GREB1: variants seen among roughly 807,000 people sequenced by gnomAD.
The protein encoded by GREB1 is growth regulating estrogen receptor binding 1, also known as protein GREB1.
Under a neutral mutation model 200.7 loss-of-function variants are expected in GREB1, and 106 were observed. That is an observed-to-expected ratio of 0.53 (90% CI 0.45 to 0.62). The LOEUF (loss-of-function observed/expected upper bound fraction) is 0.62. Among genes scored for constraint, GREB1 ranks in the 20% least tolerant of loss-of-function variants. The pLI is 0.00. For synonymous variants in GREB1, 1,132 were observed against 1,092.4 expected (o/e 1.04, Z -0.72); for missense variants, 2,243 against 2,556.8 (o/e 0.88, Z 2.65).
chr2:11,516,245 A>G (rs1421679756), intron 1 of GREB1, among the ~76,000 whole-genome samples: 1 of 151,918 alleles, frequency 6.6e-6, no homozygotes, highest in Non-Finnish European at 1.5e-5. Context: ...GCCATCTACC[A>G]AGACTTGGGT....
At chr2:11,593,250 G>T in intron 11 of GREB1, 124 bp downstream of exon 11, 1 of 639,698 alleles carries the variant, frequency 1.6e-6, no homozygotes, top group Non-Finnish European at 2.6e-6. Flanking sequence ...TAGCACCTGC[G>T]GTTTGTGCTC....
chr2:11,624,545 G>T (rs370334053), intron 23 of GREB1, among the ~76,000 whole-genome samples: 1 of 151,422 alleles, frequency 6.6e-6, no homozygotes, highest in Non-Finnish European at 1.5e-5. Context: ...GGGTTTTACC[G>T]TGTTGGCCAG....
chr2:11,507,195 G>A (rs1449313255), intron 1 of GREB1, among the ~76,000 whole-genome samples: 1 of 152,184 alleles, frequency 6.6e-6, no homozygotes, highest in Non-Finnish European at 1.5e-5. Flanking sequence ...GATCACCTGA[G>A]GTCAGGAGTT....
intron 1 of GREB1, among the ~76,000 whole-genome samples, chr2:11,517,180 CTGCTGCCCCCGGCCTCCCTGCCCTT>C (rs547121565): frequency 6.6e-6 from 1 of 152,312 alleles, no homozygotes; most frequent in African/African-American, 2.4e-5. Context: ...GCCCTCTTCC[CTGCTGCCCCCGGCCTCCCTGCCCTT>C]TGCCTTCCAG....
intron 1 of GREB1, among the ~76,000 whole-genome samples, chr2:11,528,125 C>T (rs2148485029): frequency 6.6e-6 from 1 of 152,362 alleles, no homozygotes; most frequent in East Asian, 1.9e-4. Context: ...CCTTCCTGGT[C>T]CTAGCTGTTC....
chr2:11,611,061 T>TG, intron 18 of GREB1, 34 bp downstream of exon 18: 2 of 1,478,344 alleles, frequency 1.4e-6, no homozygotes, highest in Non-Finnish European at 1.8e-6. Context: ...GCGGAGGGCC[T>TG]GGGGGTACCT....
chr2:11,564,213 T>C (rs1427762133), intron 3 of GREB1, among the ~76,000 whole-genome samples: 3 of 152,218 alleles, frequency 2.0e-5, no homozygotes, highest in African/African-American at 7.2e-5. Context: ...GAAGGCCCCA[T>C]GTGTTCTGCC....
intron 1 of GREB1, among the ~76,000 whole-genome samples, chr2:11,529,030 C>T (rs749939741): frequency 7.9e-5 from 12 of 152,138 alleles, no homozygotes; most frequent in Non-Finnish European, 1.3e-4. Flanking sequence ...TGAAAGTTCC[C>T]ATTCACCAGA....
At chr2:11,573,393 C>A (rs957407473) in intron 4 of GREB1, among the ~76,000 whole-genome samples, 16 of 152,164 alleles carry the variant, frequency 1.1e-4, no homozygotes, top group African/African-American at 3.6e-4. Flanking sequence ...ATATCCACAC[C>A]CGGCAGGAAT....
At chr2:11,589,704 G>C (rs535595563) in intron 10 of GREB1, among the ~76,000 whole-genome samples, 4 of 152,214 alleles carry the variant, frequency 2.6e-5, no homozygotes, top group Admixed American at 6.5e-5. Context: ...GTCAGTTGTT[G>C]CCTATTAAAG....
chr2:11,509,618 C>T (rs536547643), intron 1 of GREB1, among the ~76,000 whole-genome samples: 258 of 152,224 alleles, frequency 1.7e-3, no homozygotes, highest in African/African-American at 6.0e-3. Flanking sequence ...AGCCTAATCC[C>T]CAATGTGATA....
rs765684833 is a variant in GREB1 at position 11,585,238 on chromosome 2, G to GGCT, written c.982_984dup (p.Cys328dup). ...AGAATCTCCATCAGCTCCAGATGGTGGCTGCCCCCAAGGTGGTGGGAACAG... is the reference window on the plus strand; with the variant it reads ...AGAATCTCCATCAGCTCCAGATGGTGGCTGCTGCCCCCAAGGTGGTGGGAACAG... On this transcript the variant is annotated inframe_insertion, in exon 8 of 33. Coordinates refer to ENST00000381486, the MANE Select transcript of GREB1 (RefSeq NM_014668.4). 6.4e-7 allele frequency: 1 copy of GGCT among 1,573,898 alleles called. No individual in the cohort carries two copies. Among genetic ancestry groups the GGCT allele is most frequent in the South Asian group, 1.2e-5 (1 of 84,376 alleles).
chr2:11,483,687 G>GGTGTGTGTGTGT (rs57352590), intron 1 of GREB1, among the ~76,000 whole-genome samples: 8 of 132,304 alleles, frequency 6.0e-5, no homozygotes, highest in East Asian at 4.7e-4. Flanking sequence ...TACAAGAAGG[G>GGTGTGTGTGTGT]GTGTGTGTGT....
chr2:11,593,202 C>T, intron 11 of GREB1, 76 bp downstream of exon 11: 1 of 1,064,560 alleles, frequency 9.4e-7, no homozygotes, highest in Non-Finnish European at 1.3e-6. Context: ...TGGTTCTCTC[C>T]CTTTCTGTCT....
intron 3 of GREB1, 40 bp downstream of exon 3, chr2:11,562,622 T>C (rs1253548194): frequency 6.5e-6 from 10 of 1,541,174 alleles, no homozygotes; most frequent in Non-Finnish European, 8.7e-6. Flanking sequence ...GTGCCTGCCA[T>C]GCTGCCCGGA....
chr2:11,496,089 C>T (rs1351102176), intron 1 of GREB1, among the ~76,000 whole-genome samples: 1 of 152,138 alleles, frequency 6.6e-6, no homozygotes, highest in East Asian at 1.9e-4. Context: ...TCCTCCCTCT[C>T]CGCACGCAGT....
rs1451312172 is a variant in GREB1 at position 11,593,107 on chromosome 2, C to T, written c.1677C>T (p.Asp559=). Residue 559 remains aspartate, a synonymous_variant, in exon 11 of 33, where the codon GAC becomes GAT. Transcript: ENST00000381486. The stretch of plus-strand genomic sequence containing the variant: ...GCGCCTGCCGCAGCGCGGCCATCGA[C>T]TCCTGCATCGCCGTCACCGGTGAGC... ...IICACRSAAI[D]SCIAVTGKYQ... is the part of the protein sequence containing the mutation. The T allele has an allele frequency of 1.2e-6, 2 of 1,605,420 alleles. No homozygotes were observed. Among genetic ancestry groups the T allele is most frequent in the Admixed American group, 3.4e-5 (2 of 59,678 alleles).
intron 1 of GREB1, chr2:11,539,795 A>ATTTTTTTTTTTTTTTTTTTTTTT (rs66629142): frequency 8.2e-6 from 1 of 121,280 alleles, no homozygotes; most frequent in Non-Finnish European, 1.7e-5. Context: ...CTACTGCTGA[A>ATTTTTTTTTTTTTTTTTTTTTTT]TTTTTTTTTT....
chr2:11,618,946 A>G, intron 22 of GREB1, 27 bp downstream of exon 22: 1 of 1,458,700 alleles, frequency 6.9e-7, no homozygotes, highest in Non-Finnish European at 9.0e-7. Context: ...GCCCCAGCAC[A>G]GCCCCGGACT....
Sources: gnomAD v4.1 joint callset for allele counts (sites outside exome capture counted in the v4.1 genomes callset) on GRCh38, gnomAD v4.1.1 for gene constraint, MANE v1.5 for transcripts, NCBI Gene and HGNC (gene_info 2026-07-23, HGNC 2026-07-21) for gene names.